SH3BP5: variants seen among roughly 807,000 people sequenced by gnomAD.
SH3BP5 encodes the protein SH3 domain binding protein 5, also known as SH3 domain-binding protein 5.
In SH3BP5, 22 loss-of-function variants were observed where a neutral mutation model predicts 43.3. That is an observed-to-expected ratio of 0.51 (90% CI 0.36 to 0.73). SH3BP5 has a LOEUF of 0.73. Ranked by LOEUF, SH3BP5 falls within the 30% of genes least tolerant of loss-of-function variation. SH3BP5 has a pLI of 0.00. For missense variants in SH3BP5, 529 were observed against 586.9 expected (o/e 0.90, Z 1.02); for synonymous variants, 255 against 225.8 (o/e 1.13, Z -1.16).
intron 8 of SH3BP5, 48 bp from the exon 9 acceptor site, chr3:15,256,351 C>G: frequency 6.4e-7 from 1 of 1,558,832 alleles, no homozygotes; most frequent in Non-Finnish European, 8.8e-7. Context: ...CAATTCTGCC[C>G]TGTCTCCTAT....
At chr3:15,339,953 C>T (rs1278595009) in intron 1 of SH3BP5, 1 of 151,958 alleles carries the variant, frequency 6.6e-6, no homozygotes, top group African/African-American at 2.4e-5. Context: ...CCCTGCAAAT[C>T]AATGAGCATA....
chr3:15,293,576 A>G (rs1398586648), intron 3 of SH3BP5, among the ~76,000 whole-genome samples: 1 of 152,188 alleles, frequency 6.6e-6, no homozygotes, highest in Non-Finnish European at 1.5e-5. Context: ...TGAGCTCAAA[A>G]ACTGCCTTTA....
intron 7 of SH3BP5, chr3:15,258,616 C>A (rs1412739547): frequency 3.5e-6 from 2 of 567,430 alleles, no homozygotes; most frequent in African/African-American, 3.8e-5. Flanking sequence ...AACATTTTCC[C>A]AATTTATTTG....
At chr3:15,281,605 A>G (rs1697131544) in intron 3 of SH3BP5, among the ~76,000 whole-genome samples, 1 of 151,636 alleles carries the variant, frequency 6.6e-6, no homozygotes, top group Non-Finnish European at 1.5e-5. Flanking sequence ...CATAACACCC[A>G]CTCCTCCAGT....
chr3:15,294,313 G>A (rs112355745), intron 3 of SH3BP5, among the ~76,000 whole-genome samples: 3,060 of 146,218 alleles, frequency 0.021, 112 homozygotes, highest in African/African-American at 0.074. Context: ...GTGTGTGTGT[G>A]TGTGTGTGTG....
intron 2 of SH3BP5, among the ~76,000 whole-genome samples, chr3:15,316,213 G>C (rs761258502): frequency 2.8e-5 from 4 of 140,744 alleles, no homozygotes; most frequent in Non-Finnish European, 6.1e-5. Context: ...ATTTGGAAAA[G>C]ACTCGCTTTT....
intron 2 of SH3BP5, among the ~76,000 whole-genome samples, chr3:15,312,097 A>T (rs528137539): frequency 2.8e-4 from 42 of 152,186 alleles, no homozygotes; most frequent in Non-Finnish European, 4.7e-4. Context: ...TGCAAGATGG[A>T]AGCCATTTTC....
intron 2 of SH3BP5, among the ~76,000 whole-genome samples, chr3:15,306,826 G>A (rs541646550): frequency 1.3e-4 from 20 of 151,902 alleles, no homozygotes; most frequent in Admixed American, 1.0e-3. Context: ...GCACCACCAC[G>A]CCAAGCTAAT....
At chr3:15,339,163 G>C (rs951055827) in intron 1 of SH3BP5, among the ~76,000 whole-genome samples, 25 of 152,310 alleles carry the variant, frequency 1.6e-4, no homozygotes, top group Admixed American at 1.6e-3. Flanking sequence ...CCACATTAAA[G>C]AGGCATCTGT....
At position 15,258,891 on chromosome 3, in the gene SH3BP5, C is replaced by T; in HGVS notation, c.829G>A (p.Gly277Ser). The T allele has an allele frequency of 6.2e-7, 1 of 1,614,236 alleles. No homozygotes were observed. Among genetic ancestry groups the T allele is most frequent in the Non-Finnish European group, 8.5e-7 (1 of 1,180,040 alleles). ...AGATCCTCCACAGATGTGCTGCTGC[C>T]CTCAGCACCAACACCGCATCCCCGA... ...GPRGCGVGAEGSSTSVEDLPG... is the reference protein window; with the variant it reads ...GPRGCGVGAESSSTSVEDLPG... The change falls in exon 7 of 9, where the codon GGC (glycine) becomes AGC (serine). Residue 277 changes from glycine to serine, a missense_variant. Around this residue, in one of 3 missense-constraint regions of SH3BP5, gnomAD observed 369 missense variants for 384.3 expected, o/e 0.96. Coordinates refer to ENST00000383791, the MANE Select transcript of SH3BP5 (RefSeq NM_004844.5).
At chr3:15,329,761 A>C (rs903904462) in intron 2 of SH3BP5, among the ~76,000 whole-genome samples, 6 of 152,226 alleles carry the variant, frequency 3.9e-5, no homozygotes, top group African/African-American at 7.2e-5. Context: ...TCTGACAGTC[A>C]ATTCACAGTC....
At position 15,261,218 on chromosome 3, in the gene SH3BP5, A is replaced by G. The variant is rs1166056043; in HGVS notation, c.626+941T>C. Among the ~76,000 whole-genome samples, 17 of 152,238 alleles carry G rather than the reference A, an allele frequency of 1.1e-4. No homozygotes were observed. In the East Asian group the frequency reaches 2.9e-3, roughly 26 times the overall value. Reference sequence around the variant, plus strand: ...AACCAAAACAAAAATACACTAGTCAATTAAGTGCAATAGTAAATGGTTAAA... The same window carrying G: ...AACCAAAACAAAAATACACTAGTCAGTTAAGTGCAATAGTAAATGGTTAAA... On this transcript the variant is annotated intron_variant, in intron 5 of 8. Coordinates refer to ENST00000383791, the MANE Select transcript of SH3BP5 (RefSeq NM_004844.5).
intron 3 of SH3BP5, among the ~76,000 whole-genome samples, chr3:15,286,277 A>G (rs1697263440): frequency 6.6e-6 from 1 of 152,166 alleles, no homozygotes; most frequent in African/African-American, 2.4e-5. Flanking sequence ...CTGCCTGGGG[A>G]GGCAGAATCG....
In SH3BP5 at chr3:15,304,291, C is replaced by T. The variant is rs776407743; in HGVS notation, c.202-60G>A. 4 of 1,612,204 alleles carry T rather than the reference C, an allele frequency of 2.5e-6. No individual in the cohort carries two copies. The Admixed American group carries it at 5.0e-5, about 20-fold the overall frequency. On this transcript the variant is annotated intron_variant, in intron 2 of 8. Coordinates refer to ENST00000383791, the MANE Select transcript of SH3BP5 (RefSeq NM_004844.5). Reference sequence around the variant, plus strand: ...GGCTTAAGAAGGGATCTGCAAACACCTACTGGACCTAGACAGAAACATCAA... The same window carrying T: ...GGCTTAAGAAGGGATCTGCAAACACTTACTGGACCTAGACAGAAACATCAA...
At chr3:15,278,005 G>A (rs532859221) in intron 3 of SH3BP5, among the ~76,000 whole-genome samples, 1 of 152,310 alleles carries the variant, frequency 6.6e-6, no homozygotes, top group East Asian at 1.9e-4. Context: ...GGCAGGACCC[G>A]GAGGAAAGAG....
In SH3BP5 at chr3:15,259,036, A is replaced by C; in HGVS notation, c.684T>G (p.Thr228=). 6.2e-7 allele frequency: 1 copy of C among 1,614,156 alleles called. No homozygotes were observed. Among genetic ancestry groups the C allele is most frequent in the East Asian group, 2.2e-5 (1 of 44,894 alleles). Residue 228 remains threonine (T), a synonymous_variant, in exon 7 of 9, where the codon ACT becomes ACG. Transcript: ENST00000383791. ...YYVQLEQLKK[T]VDDLQAKLTL... is the part of the protein sequence containing the mutation. Reference sequence around the variant, plus strand: ...TCAGTTTGGCCTGCAGGTCATCCACAGTCTTTTTCAGTTGCTGATCAAGAG... The same window carrying C: ...TCAGTTTGGCCTGCAGGTCATCCACCGTCTTTTTCAGTTGCTGATCAAGAG...
In SH3BP5 at chr3:15,255,920, T is replaced by C. The variant is rs530908643; in HGVS notation, c.*166A>G. The C allele has an allele frequency of 1.5e-6, 1 of 662,720 alleles. No homozygotes were observed. The highest frequency in any genetic ancestry group is 2.6e-5 in the East Asian group (1 of 38,790). The allele number at this position is 662,720 out of a possible 1,614,324, so 41.1% of individuals were successfully genotyped here. A position where few individuals can be genotyped will look rare whatever the true frequency, so the allele number is the denominator to read the frequency against. On this transcript the variant is annotated 3_prime_UTR_variant, in exon 9 of 9. Transcript: ENST00000383791. The stretch of plus-strand genomic sequence containing the variant: ...TGCTCTGAAAAACCAGCCCAAGAGC[T>C]CTTACCCAGAAGAACAATCTTTAGC...
chr3:15,331,940 T>G, intron 1 of SH3BP5: 2 of 244,030 alleles, frequency 8.2e-6, no homozygotes, highest in Non-Finnish European at 1.6e-5. Context: ...CGGGCAGGGG[T>G]ACCCCCGAGG....
intron 1 of SH3BP5, among the ~76,000 whole-genome samples, chr3:15,338,474 T>C (rs3844287): frequency 0.62 from 94,153 of 152,138 alleles, 30,375 homozygotes; most frequent in African/African-American, 0.8. Context: ...AAGAAACTGA[T>C]AACTAGCATC....
Sources: gnomAD v4.1 joint callset for allele counts (sites outside exome capture counted in the v4.1 genomes callset) on GRCh38, gnomAD v4.1.1 for gene constraint, gnomAD v4.1.1 regional missense constraint, MANE v1.5 for transcripts, NCBI Gene and HGNC (gene_info 2026-07-23, HGNC 2026-07-21) for gene names.